Variants in CHODL observed in about 807,000 individuals in gnomAD.
The protein encoded by CHODL is transmembrane protein MT75.
Under a neutral mutation model 34.5 loss-of-function variants are expected in CHODL, and 29 were observed. The observed-to-expected ratio is 0.84, with a 90% confidence interval of 0.63 to 1.15. The LOEUF (loss-of-function observed/expected upper bound fraction) is 1.15, where lower values mean the gene tolerates loss of function less well. Ranked by LOEUF, CHODL falls within the 50% of genes most tolerant of loss-of-function variation. The probability of loss-of-function intolerance (pLI) is 0.00; values close to 1 mark genes in which losing one functional copy is unlikely to be tolerated. For synonymous variants in CHODL, 125 were observed against 116.1 expected, an observed-to-expected ratio of 1.08 and a Z score of -0.49; for missense variants, 332 against 332.5, an observed-to-expected ratio of 1.00 and a Z score of 0.01.
At chr21:17,995,657 G>A (rs2063842135) in intron 1 of CHODL, among the ~76,000 whole-genome samples, 1 of 152,162 alleles carries the variant, frequency 6.6e-6, no homozygotes, top group African/African-American at 2.4e-5. Flanking sequence ...CCCATCTCTT[G>A]TGCAGTTAGG....
At chr21:17,971,482 C>A (rs1329448179) in intron 1 of CHODL, among the ~76,000 whole-genome samples, 1 of 152,150 alleles carries the variant, frequency 6.6e-6, no homozygotes, top group Admixed American at 6.6e-5. Flanking sequence ...CTCTAATGAC[C>A]AGTGATGATG....
intron 1 of CHODL, among the ~76,000 whole-genome samples, chr21:17,994,322 C>T (rs1169611585): frequency 6.6e-6 from 1 of 152,126 alleles, no homozygotes; most frequent in African/African-American, 2.4e-5. Context: ...CTACTTAGGC[C>T]TTCTGGTGGT....
At chr21:18,008,213 A>G (rs1268189842) in intron 1 of CHODL, among the ~76,000 whole-genome samples, 1 of 152,040 alleles carries the variant, frequency 6.6e-6, no homozygotes, top group East Asian at 1.9e-4. Flanking sequence ...CGTTGAGTGT[A>G]TATACATCTT....
At chr21:18,178,223 T>C (rs1180407764) in intron 2 of CHODL, among the ~76,000 whole-genome samples, 1 of 152,222 alleles carries the variant, frequency 6.6e-6, no homozygotes, top group Non-Finnish European at 1.5e-5. Flanking sequence ...TGAGGCTGTT[T>C]GAAAAGTCCG....
chr21:17,971,175 A>C (rs1461132571), intron 1 of CHODL, among the ~76,000 whole-genome samples: 2 of 152,194 alleles, frequency 1.3e-5, no homozygotes, highest in Non-Finnish European at 2.9e-5. Context: ...GCTCTTATGA[A>C]CAGTGCTGCA....
intron 2 of CHODL, among the ~76,000 whole-genome samples, chr21:18,143,996 ACATTTT>A (rs1003392994): frequency 6.6e-6 from 1 of 152,124 alleles, no homozygotes; most frequent in African/African-American, 2.4e-5. Context: ...AACATAACCA[ACATTTT>A]CAGAACTTGC....
At chr21:18,186,790 C>T (rs2073446625) in intron 2 of CHODL, among the ~76,000 whole-genome samples, 1 of 152,172 alleles carries the variant, frequency 6.6e-6, no homozygotes, top group Non-Finnish European at 1.5e-5. Context: ...CTTATGAAAT[C>T]ACCTTCTACC....
At chr21:18,020,696 T>C (rs2064120160) in intron 1 of CHODL, among the ~76,000 whole-genome samples, 2 of 152,234 alleles carry the variant, frequency 1.3e-5, no homozygotes, top group Admixed American at 1.3e-4. Context: ...CTACAAAATA[T>C]AGATGTTGAG....
rs574978184 is a variant in CHODL, at chr21:18,071,401, T to A, written c.-45+43430T>A. On this transcript the variant is annotated intron_variant, in intron 2 of 6. Transcript: ENST00000400127. ...ACCTCATGATCCGCCCACCTCAGCC[T>A]CCCAAAGTGCTAGGATTACAGGCAT... 1.5e-4 allele frequency among the ~76,000 whole-genome samples: 23 copies of A among 152,128 alleles called. 2 individuals are homozygous for A. The highest frequency in any genetic ancestry group is 9.2e-4 in the Admixed American group (14 of 15,276).
chr21:18,107,959 AG>A (rs2065294318), intron 2 of CHODL, among the ~76,000 whole-genome samples: 1 of 152,180 alleles, frequency 6.6e-6, no homozygotes, highest in Admixed American at 6.6e-5. Context: ...AGATAATTAC[AG>A]GTTATGTTCG....
intron 2 of CHODL, among the ~76,000 whole-genome samples, chr21:18,164,196 G>C: frequency 6.6e-6 from 1 of 152,176 alleles, no homozygotes; most frequent in East Asian, 1.9e-4. Context: ...CCAAACAAAA[G>C]GGCTTGCACC....
chr21:18,174,123 G>GTGTA (rs2073266599), intron 2 of CHODL, among the ~76,000 whole-genome samples: 2 of 21,558 alleles, frequency 9.3e-5, no homozygotes, highest in East Asian at 1.1e-3. Flanking sequence ...ATATCTTGGT[G>GTGTA]TATATATATA....
chr21:18,205,833 T>A (rs2073706029), intron 2 of CHODL, among the ~76,000 whole-genome samples: 1 of 151,762 alleles, frequency 6.6e-6, no homozygotes, highest in Non-Finnish European at 1.5e-5. Context: ...GCCTCCCACG[T>A]TCAAGTGATT....
rs113286524 is a variant in CHODL, at chr21:18,252,871, C to G, written c.80-3638C>G. On this transcript the variant is annotated intron_variant, in intron 1 of 5. Transcript: ENST00000299295. ...GTGCAGCCATCACAAGCTCCACTCC[C>G]TCAAGCAGGACCGGAGGACTGCTCT... Among the ~76,000 whole-genome samples, 472 of 152,160 alleles carry G rather than the reference C, an allele frequency of 3.1e-3. 1 individual carries two copies. The highest frequency in any genetic ancestry group is 0.011 in the African/African-American group (446 of 41,518).
chr21:18,211,901 C>T (rs967534784), intron 2 of CHODL, among the ~76,000 whole-genome samples: 2 of 151,968 alleles, frequency 1.3e-5, no homozygotes, highest in East Asian at 1.9e-4. Flanking sequence ...AACAGTTATT[C>T]CATGATGAAT....
intron 2 of CHODL, among the ~76,000 whole-genome samples, chr21:18,065,621 A>G (rs1245390534): frequency 6.6e-6 from 1 of 152,208 alleles, no homozygotes; most frequent in African/African-American, 2.4e-5. Context: ...TCAGAAAAGA[A>G]CCAGACAGAG....
intron 1 of CHODL, among the ~76,000 whole-genome samples, chr21:17,929,862 C>T (rs2063257599): frequency 6.6e-6 from 1 of 151,792 alleles, no homozygotes; most frequent in African/African-American, 2.4e-5. Context: ...TTTTGCACAC[C>T]CCAAAGATGT....
chr21:18,153,904 G>A (rs1468508395), intron 2 of CHODL, among the ~76,000 whole-genome samples: 3 of 152,074 alleles, frequency 2.0e-5, no homozygotes, highest in African/African-American at 7.2e-5. Context: ...TGGGGTTCAG[G>A]TGGGGCAGTG....
intron 1 of CHODL, among the ~76,000 whole-genome samples, chr21:17,978,383 C>T (rs1198465564): frequency 1.4e-5 from 2 of 144,882 alleles, no homozygotes; most frequent in Admixed American, 7.1e-5. Context: ...GATGGCGCCA[C>T]TGCACTCCAG....
Sources: allele counts gnomAD v4.1 joint callset (sites outside exome capture counted in the v4.1 genomes callset), GRCh38; gene constraint gnomAD v4.1.1; transcripts MANE v1.5; gene names NCBI Gene and HGNC (gene_info 2026-07-23, HGNC 2026-07-21).